AFG2A: variants seen among roughly 807,000 people sequenced by gnomAD.
The protein encoded by AFG2A is ATPase family gene 2 protein homolog A.
At chr4:123,033,698 C>A in the AFG2A span, among the ~76,000 whole-genome samples, 84 of 152,260 alleles carry the variant, frequency 5.5e-4, 1 homozygote, top group Non-Finnish European at 1.0e-3. Flanking sequence ...TTGAGTATGT[C>A]ACGATGAAAA....
the AFG2A span, among the ~76,000 whole-genome samples, chr4:122,958,415 G>A: frequency 9.2e-5 from 14 of 152,300 alleles, no homozygotes; most frequent in African/African-American, 2.9e-4. Flanking sequence ...GACCAGATTC[G>A]TGAGTTTGAC....
chr4:122,938,731 C>T, the AFG2A span, among the ~76,000 whole-genome samples: 2 of 152,052 alleles, frequency 1.3e-5, no homozygotes, highest in Admixed American at 1.3e-4. Flanking sequence ...GCTGGGACTA[C>T]AGGCATGCAC....
chr4:123,079,223 G>A, the AFG2A span, among the ~76,000 whole-genome samples: 6 of 152,068 alleles, frequency 3.9e-5, no homozygotes, highest in African/African-American at 1.4e-4. Context: ...TTTTCTTCCA[G>A]TCTTCCTCCT....
chr4:123,143,511 GTAACCCA>G, the AFG2A span, among the ~76,000 whole-genome samples: 33 of 152,088 alleles, frequency 2.2e-4, no homozygotes, highest in African/African-American at 7.9e-4. Context: ...TCCATTGTCA[GTAACCCA>G]CCTTCTTATG....
chr4:123,068,865 A>C, the AFG2A span, among the ~76,000 whole-genome samples: 1 of 152,188 alleles, frequency 6.6e-6, no homozygotes. Context: ...TGTAAAATTT[A>C]AACTGAGACT....
the AFG2A span, among the ~76,000 whole-genome samples, chr4:123,173,340 G>GT: frequency 4.9e-3 from 346 of 70,302 alleles, 22 homozygotes; most frequent in African/African-American, 0.019. Flanking sequence ...AAGTCCAATG[G>GT]TTTTTTTTTT....
chr4:123,102,705 T>C, the AFG2A span, among the ~76,000 whole-genome samples: 1 of 151,850 alleles, frequency 6.6e-6, no homozygotes, highest in Non-Finnish European at 1.5e-5. Flanking sequence ...GTTGAATGTT[T>C]TAAAGTCACT....
At chr4:122,923,317 C>G in the AFG2A span, 1 of 1,613,398 alleles carries the variant, frequency 6.2e-7, no homozygotes, top group Non-Finnish European at 8.5e-7. Context: ...TAAAGAATTC[C>G]GGGTGGGAGA....
chr4:122,923,415 A>ACAG, the AFG2A span: 1 of 1,452,184 alleles, frequency 6.9e-7, no homozygotes, highest in Non-Finnish European at 9.4e-7. Context: ...TGGGCGTGGC[A>ACAG]TGGGTCTGAG....
the AFG2A span, among the ~76,000 whole-genome samples, chr4:122,953,298 T>C: frequency 7.9e-5 from 12 of 152,350 alleles, no homozygotes; most frequent in East Asian, 2.3e-3. Flanking sequence ...AGGGTTTTGG[T>C]GGCAGTCTCT....
chr4:123,011,551 C>T, the AFG2A span, among the ~76,000 whole-genome samples: 1 of 152,190 alleles, frequency 6.6e-6, no homozygotes, highest in Non-Finnish European at 1.5e-5. Context: ...CGTCAGGCAC[C>T]TCAGACCGTT....
At chr4:123,204,132 A>G in the AFG2A span, among the ~76,000 whole-genome samples, 3 of 152,276 alleles carry the variant, frequency 2.0e-5, no homozygotes, top group South Asian at 6.2e-4. Flanking sequence ...GTTCTGTTTT[A>G]AGGTCAACTG....
the AFG2A span, among the ~76,000 whole-genome samples, chr4:123,111,220 G>C: frequency 6.6e-6 from 1 of 151,822 alleles, no homozygotes; most frequent in Non-Finnish European, 1.5e-5. Flanking sequence ...GCCTTATATA[G>C]CTGTGAAAAT....
the AFG2A span, among the ~76,000 whole-genome samples, chr4:123,048,950 T>C: frequency 6.6e-6 from 1 of 152,152 alleles, no homozygotes; most frequent in Admixed American, 6.5e-5. Flanking sequence ...CAGATCTTGG[T>C]GTAAAGGCTT....
At chr4:123,094,723 A>G in the AFG2A span, among the ~76,000 whole-genome samples, 1 of 151,982 alleles carries the variant, frequency 6.6e-6, no homozygotes, top group Non-Finnish European at 1.5e-5. Context: ...AAAAAGCAAA[A>G]ATTCTGGTAA....
the AFG2A span, among the ~76,000 whole-genome samples, chr4:123,016,267 C>T: frequency 1.2e-4 from 18 of 151,266 alleles, no homozygotes; most frequent in African/African-American, 3.9e-4. Flanking sequence ...AGGGGCTGAC[C>T]CCCACCTCCC....
the AFG2A span, among the ~76,000 whole-genome samples, chr4:123,038,752 C>A: frequency 3.9e-5 from 6 of 152,138 alleles, no homozygotes; most frequent in East Asian, 3.9e-4. Context: ...TATTCCAATG[C>A]GTATTTTCTT....
chr4:122,968,560 A>G, the AFG2A span, among the ~76,000 whole-genome samples: 2 of 152,108 alleles, frequency 1.3e-5, no homozygotes, highest in African/African-American at 2.4e-5. Context: ...GAGCTTCATC[A>G]TTTTATTCTG....
the AFG2A span, among the ~76,000 whole-genome samples, chr4:123,157,274 T>C: frequency 6.6e-6 from 1 of 152,108 alleles, no homozygotes; most frequent in Non-Finnish European, 1.5e-5. Context: ...TCCACCCACC[T>C]TGGCCTCCCG....
Sources: allele counts gnomAD v4.1 joint callset (sites outside exome capture counted in the v4.1 genomes callset), GRCh38; gene constraint gnomAD v4.1.1; transcripts MANE v1.5; gene names NCBI Gene and HGNC (gene_info 2026-07-23, HGNC 2026-07-21).